TBC1D4: variants seen among roughly 807,000 people sequenced by gnomAD.
TBC1D4 encodes the protein TBC (Tre-2, BUB2, CDC16) domain-containing protein.
A neutral mutation model predicts 142.5 loss-of-function variants in TBC1D4; 121 were observed. That is an observed-to-expected ratio of 0.85 (90% CI 0.73 to 0.99). The LOEUF is 0.99. Among genes scored for constraint, TBC1D4 ranks in the 50% least tolerant of loss-of-function variants. The probability of loss-of-function intolerance (pLI) is 0.00; values close to 1 mark genes in which losing one functional copy is unlikely to be tolerated. For synonymous variants in TBC1D4, 630 were observed against 628.2 expected (o/e 1.00, Z -0.04); for missense variants, 1,475 against 1,606.6 (o/e 0.92, Z 1.40).
At chr13:75,341,460 T>G (rs1880692693) in intron 6 of TBC1D4, 36 bp downstream of exon 6, 2 of 1,588,870 alleles carry the variant, frequency 1.3e-6, no homozygotes, top group Admixed American at 3.3e-5. Flanking sequence ...TTCTCATTCC[T>G]TATGTCTTAT....
At chr13:75,459,641 G>A (rs1414754584) in intron 1 of TBC1D4, among the ~76,000 whole-genome samples, 1 of 152,002 alleles carries the variant, frequency 6.6e-6, no homozygotes, top group African/African-American at 2.4e-5. Flanking sequence ...CAAAACAGTG[G>A]TAGGACCATT....
chr13:75,326,410 C>T lies in TBC1D4; in HGVS notation c.1820G>A (p.Gly607Glu). The part of the protein sequence containing the change: ...SLASEKDYSP[G>E]DSPPGTPPAS... Reference sequence around the variant, plus strand: ...TGGCGGTGTCCCTGGTGGAGAATCCCCTGGTGAGTAGTCCTGAAACACAAG... The same window carrying T: ...TGGCGGTGTCCCTGGTGGAGAATCCTCTGGTGAGTAGTCCTGAAACACAAG... The change falls in exon 10 of 21, where the codon GGG becomes GAG. Residue 607 changes from glycine to glutamate, a missense_variant. Around this residue, in one of 2 missense-constraint regions of TBC1D4, gnomAD observed 1,227 missense variants for 1,267.7 expected, o/e 0.97. Coordinates refer to ENST00000377636, the MANE Select transcript of TBC1D4 (RefSeq NM_014832.5). The T allele has an allele frequency of 6.2e-7, 1 of 1,614,136 alleles. No individual in the cohort carries two copies. The highest frequency in any genetic ancestry group is 8.5e-7 in the Non-Finnish European group (1 of 1,180,016).
At chr13:75,415,742 C>G (rs9573539) in intron 1 of TBC1D4, among the ~76,000 whole-genome samples, 20,254 of 152,162 alleles carry the variant, frequency 0.13, 1,590 homozygotes, top group African/African-American at 0.2. Context: ...GGGAAAACTT[C>G]TTAGATGAAA....
intron 1 of TBC1D4, among the ~76,000 whole-genome samples, chr13:75,415,997 A>C (rs1235872120): frequency 2.6e-5 from 4 of 152,222 alleles, no homozygotes; most frequent in Non-Finnish European, 5.9e-5. Flanking sequence ...GGAATTGTGC[A>C]ATACACTTTG....
intron 1 of TBC1D4, among the ~76,000 whole-genome samples, chr13:75,446,816 T>C (rs557889032): frequency 3.3e-5 from 5 of 152,252 alleles, no homozygotes; most frequent in African/African-American, 9.6e-5. Context: ...TACTACTAGG[T>C]TGATCTCAAA....
intron 1 of TBC1D4, among the ~76,000 whole-genome samples, chr13:75,364,221 T>C (rs1882763736): frequency 6.6e-6 from 1 of 152,180 alleles, no homozygotes; most frequent in African/African-American, 2.4e-5. Context: ...ATGGCCTCCT[T>C]GCTATTTCTC....
At chr13:75,304,604 G>A (rs987067909) in intron 15 of TBC1D4, among the ~76,000 whole-genome samples, 1 of 152,170 alleles carries the variant, frequency 6.6e-6, no homozygotes, top group African/African-American at 2.4e-5. Context: ...GGCAGGGGTG[G>A]TGCTCTGAGG....
At chr13:75,409,086 T>A (rs1254913376) in intron 1 of TBC1D4, among the ~76,000 whole-genome samples, 3 of 152,006 alleles carry the variant, frequency 2.0e-5, no homozygotes, top group East Asian at 1.9e-4. Flanking sequence ...TAGTTTTTCA[T>A]AAAGAGTTAT....
rs188255292 is a variant in TBC1D4, at chr13:75,387,698, G to C, written c.499-25091C>G. Among the ~76,000 whole-genome samples the C allele has an allele frequency of 2.1e-3, 313 of 152,228 alleles. 1 individual carries two copies. The highest frequency in any genetic ancestry group is 7.0e-3 in the African/African-American group (290 of 41,552). ...CCTGTCAGTTGTTTTTCTTTAAGTG[G>C]CAAGATCACTTTGTTCATTTTCAAG... On this transcript the variant is annotated intron_variant, in intron 1 of 20. Coordinates refer to ENST00000377636, the MANE Select transcript of TBC1D4 (RefSeq NM_014832.5).
chr13:75,422,998 G>T (rs1886231243), intron 1 of TBC1D4, among the ~76,000 whole-genome samples: 1 of 152,126 alleles, frequency 6.6e-6, no homozygotes, highest in Non-Finnish European at 1.5e-5. Flanking sequence ...GCCAATTTTA[G>T]AATTGCATTC....
chr13:75,441,221 A>C (rs967405589), intron 1 of TBC1D4, among the ~76,000 whole-genome samples: 1 of 152,140 alleles, frequency 6.6e-6, no homozygotes, highest in East Asian at 1.9e-4. Context: ...GCACCACTGC[A>C]CTCCAGCTCG....
intron 13 of TBC1D4, 42 bp downstream of exon 13, chr13:75,312,696 G>A (rs1421951811): frequency 9.3e-6 from 15 of 1,613,240 alleles, no homozygotes; most frequent in Non-Finnish European, 1.3e-5. Flanking sequence ...GCTAATTTCT[G>A]ACACTCAGAG....
At chr13:75,317,154 A>G (rs995230193) in intron 12 of TBC1D4, among the ~76,000 whole-genome samples, 5 of 152,226 alleles carry the variant, frequency 3.3e-5, no homozygotes, top group Non-Finnish European at 7.3e-5. Context: ...TAGGTGGTCC[A>G]GAATCCAGCA....
At chr13:75,333,233 G>A (rs1171355910) in intron 8 of TBC1D4, among the ~76,000 whole-genome samples, 1 of 152,140 alleles carries the variant, frequency 6.6e-6, no homozygotes, top group Non-Finnish European at 1.5e-5. Context: ...TTGTTCACAG[G>A]AGTTAAAACA....
rs771103222 is a variant in TBC1D4 at position 75,340,838 on chromosome 13, C to T, written c.1611+287G>A. Reference sequence around the variant, plus strand: ...GTGCATGCCTGTAGTCCCAGCTACCCGGGAAGCTGAGGCAGAAGAATCGCT... The same window carrying T: ...GTGCATGCCTGTAGTCCCAGCTACCTGGGAAGCTGAGGCAGAAGAATCGCT... On this transcript the variant is annotated intron_variant, in intron 7 of 20. Transcript: ENST00000377636. Among the ~76,000 whole-genome samples, 60 of 152,112 alleles carry T rather than the reference C, an allele frequency of 3.9e-4. 1 individual carries two copies. Among genetic ancestry groups the T allele is most frequent in the Non-Finnish European group, 2.4e-4 (16 of 68,002 alleles).
At chr13:75,371,040 A>G (rs535835316) in intron 1 of TBC1D4, among the ~76,000 whole-genome samples, 1 of 152,328 alleles carries the variant, frequency 6.6e-6, no homozygotes, top group East Asian at 1.9e-4. Flanking sequence ...CCAGGAGAGA[A>G]TGGCATCCTG....
chr13:75,456,468 A>AT (rs1194211749), intron 1 of TBC1D4, among the ~76,000 whole-genome samples: 3 of 152,080 alleles, frequency 2.0e-5, no homozygotes, highest in Non-Finnish European at 4.4e-5. Flanking sequence ...TCATAAGACA[A>AT]TTTTTTTAAT....
chr13:75,326,190 G>C lies in TBC1D4; in HGVS notation c.2033+7C>G. On this transcript the variant is annotated splice_region_variant and intron_variant, in intron 10 of 20. Transcript: ENST00000377636. ...CTAGGTCTCATTCTGGAGAGGGTCAGACTCACCTGCACTGTTCACTGGAGC... is the reference window on the plus strand; with the variant it reads ...CTAGGTCTCATTCTGGAGAGGGTCACACTCACCTGCACTGTTCACTGGAGC... 1 of 1,614,004 alleles carries C rather than the reference G, an allele frequency of 6.2e-7. No individual in the cohort carries two copies. The highest frequency in any genetic ancestry group is 1.1e-5 in the South Asian group (1 of 91,050).
chr13:75,463,075 A>T (rs751017306), intron 1 of TBC1D4, among the ~76,000 whole-genome samples: 8 of 152,178 alleles, frequency 5.3e-5, no homozygotes, highest in Non-Finnish European at 1.0e-4. Flanking sequence ...TAAGTGACAG[A>T]TGTTCTAATA....
Sources: allele counts gnomAD v4.1 joint callset (sites outside exome capture counted in the v4.1 genomes callset), GRCh38; gene constraint gnomAD v4.1.1; regional missense constraint gnomAD v4.1.1; transcripts MANE v1.5; gene names NCBI Gene and HGNC (gene_info 2026-07-23, HGNC 2026-07-21).